SLC49A4: variants seen among roughly 807,000 people sequenced by gnomAD.
SLC49A4 encodes disrupted in renal cancer protein 2.
In SLC49A4, 36 loss-of-function variants were observed where a neutral mutation model predicts 50.6. The observed-to-expected ratio is 0.71, with a 90% CI of 0.55 to 0.94. The LOEUF is 0.94. Ranked by LOEUF, SLC49A4 falls within the 40% of genes least tolerant of loss-of-function variation. The pLI, the probability that SLC49A4 is intolerant of heterozygous loss-of-function variation, is 0.00. For synonymous variants in SLC49A4, 248 were observed against 241.2 expected, an observed-to-expected ratio of 1.03 and a Z score of -0.26; for missense variants, 503 against 605.7, an observed-to-expected ratio of 0.83 and a Z score of 1.78.
At chr3:122,855,133 C>T (rs567404008) in intron 5 of SLC49A4, among the ~76,000 whole-genome samples, 1 of 151,848 alleles carries the variant, frequency 6.6e-6, no homozygotes, top group South Asian at 2.1e-4. Context: ...AAATATGACT[C>T]GAAAAACAAC....
chr3:122,861,220 T>G (rs1330642511), intron 7 of SLC49A4, among the ~76,000 whole-genome samples: 1 of 152,202 alleles, frequency 6.6e-6, no homozygotes, highest in Admixed American at 6.5e-5. Flanking sequence ...CCCTTTGTCT[T>G]GTGAAATAAC....
At chr3:122,830,637 C>T (rs934395661) in intron 3 of SLC49A4, among the ~76,000 whole-genome samples, 4 of 152,142 alleles carry the variant, frequency 2.6e-5, no homozygotes, top group African/African-American at 7.2e-5. Context: ...ATTTGAACCC[C>T]GTTGTTAACT....
intron 2 of SLC49A4, among the ~76,000 whole-genome samples, chr3:122,816,665 G>C (rs756101773): frequency 3.3e-5 from 5 of 152,180 alleles, no homozygotes; most frequent in Non-Finnish European, 5.9e-5. Flanking sequence ...AGGTGGGCCA[G>C]GGCAGGTAGC....
chr3:122,869,865 C>G (rs1172007134), intron 7 of SLC49A4, among the ~76,000 whole-genome samples: 1 of 152,164 alleles, frequency 6.6e-6, no homozygotes, highest in Non-Finnish European at 1.5e-5. Context: ...CCCGCTGCTT[C>G]CCCGTCAGAT....
chr3:122,820,941 C>CTGTA (rs1936440025), intron 2 of SLC49A4, among the ~76,000 whole-genome samples: 2 of 152,224 alleles, frequency 1.3e-5, no homozygotes, highest in African/African-American at 2.4e-5. Flanking sequence ...TCATCTTGAA[C>CTGTA]TGTAGTTCCC....
intron 5 of SLC49A4, among the ~76,000 whole-genome samples, chr3:122,853,960 T>C (rs1560229322): frequency 6.6e-6 from 1 of 152,192 alleles, no homozygotes; most frequent in South Asian, 2.1e-4. Context: ...GGTAGAATTG[T>C]ATTAACTAGG....
Position 122,806,387 on chromosome 3 carries a change from C to G in SLC49A4, c.344-470C>G, listed in dbSNP as rs892146117. Among the ~76,000 whole-genome samples, 9 of 151,662 alleles carry G rather than the reference C, an allele frequency of 5.9e-5. No individual in the cohort carries two copies. The South Asian group carries it at 1.9e-3, about 31-fold the overall frequency. ...TTAGAATCATCTTATTTTCTTTTTT[C>G]TTTTTTTGGAAACAGAGTCTCACTC... On this transcript the variant is annotated intron_variant, in intron 1 of 8. Transcript: ENST00000261038.
At chr3:122,837,054 AC>A (rs1290517641) in intron 4 of SLC49A4, among the ~76,000 whole-genome samples, 2 of 152,224 alleles carry the variant, frequency 1.3e-5, no homozygotes, top group Non-Finnish European at 2.9e-5. Context: ...GCTCAATGAA[AC>A]AAAAGAGGAT....
At chr3:122,816,610 T>G (rs1385064978) in intron 2 of SLC49A4, among the ~76,000 whole-genome samples, 1 of 152,186 alleles carries the variant, frequency 6.6e-6, no homozygotes. Context: ...ATAGAGTGGT[T>G]CAAACAAGAC....
intron 6 of SLC49A4, among the ~76,000 whole-genome samples, chr3:122,857,271 G>GTCCC (rs1255529494): frequency 9.2e-6 from 1 of 108,944 alleles, no homozygotes; most frequent in Admixed American, 1.2e-4. Context: ...TAGGAAAAAG[G>GTCCC]TCCCATTCGT....
rs140022464 is a variant in SLC49A4, at chr3:122,806,864, G to T, written c.351G>T (p.Arg117=). ...FMWLLDKRGL[R]ITVLLTSFLM... Reference sequence around the variant, plus strand: ...GTCTTTGTTTCATTTTAGGTCTCCGGATAACTGTGCTCCTGACATCCTTCC... The same window carrying T: ...GTCTTTGTTTCATTTTAGGTCTCCGTATAACTGTGCTCCTGACATCCTTCC... Residue 117 remains arginine (R), a synonymous_variant, in exon 2 of 9, where the codon CGG becomes CGT. Coordinates refer to ENST00000261038, the MANE Select transcript of SLC49A4 (RefSeq NM_032839.3). 2.5e-5 allele frequency: 40 copies of T among 1,602,276 alleles called. No individual in the cohort carries two copies. In the African/African-American group the frequency reaches 5.0e-4, roughly 20 times the overall value.
intron 3 of SLC49A4, among the ~76,000 whole-genome samples, chr3:122,827,292 G>T (rs1936544060): frequency 6.6e-6 from 1 of 152,164 alleles, no homozygotes; most frequent in African/African-American, 2.4e-5. Flanking sequence ...ACATGGAGGG[G>T]TATTTCTTAA....
intron 8 of SLC49A4, among the ~76,000 whole-genome samples, chr3:122,874,235 A>G (rs1206595354): frequency 6.6e-6 from 1 of 152,198 alleles, no homozygotes; most frequent in African/African-American, 2.4e-5. Flanking sequence ...TTGCCTGGCC[A>G]GTAGTTTATC....
chr3:122,868,316 T>G (rs1937148473), intron 7 of SLC49A4, among the ~76,000 whole-genome samples: 1 of 152,216 alleles, frequency 6.6e-6, no homozygotes, highest in Non-Finnish European at 1.5e-5. Context: ...CCATGAAATT[T>G]TATTAGCTTT....
intron 4 of SLC49A4, among the ~76,000 whole-genome samples, chr3:122,842,469 G>A (rs1472727635): frequency 9.2e-6 from 1 of 108,120 alleles, no homozygotes; most frequent in Non-Finnish European, 1.7e-5. Context: ...CTGGGCGACA[G>A]AGCGAGACTC....
At chr3:122,868,948 A>AATTTGTTAGAAC (rs1937157446) in intron 7 of SLC49A4, among the ~76,000 whole-genome samples, 1 of 152,186 alleles carries the variant, frequency 6.6e-6, no homozygotes, top group African/African-American at 2.4e-5. Context: ...AACAAATGGG[A>AATTTGTTAGAAC]AAATCTTCAT....
intron 1 of SLC49A4, among the ~76,000 whole-genome samples, chr3:122,800,286 A>G (rs1363212370): frequency 6.6e-6 from 1 of 152,226 alleles, no homozygotes; most frequent in Non-Finnish European, 1.5e-5. Context: ...AGGACTGAGA[A>G]TAGAGCACTG....
At chr3:122,871,953 A>G (rs1328535847) in intron 7 of SLC49A4, among the ~76,000 whole-genome samples, 2 of 152,168 alleles carry the variant, frequency 1.3e-5, no homozygotes, top group African/African-American at 2.4e-5. Flanking sequence ...TTCTCAAGAA[A>G]TTACATACTG....
At chr3:122,850,795 T>C (rs1373221938) in intron 5 of SLC49A4, among the ~76,000 whole-genome samples, 1 of 152,208 alleles carries the variant, frequency 6.6e-6, no homozygotes, top group Non-Finnish European at 1.5e-5. Context: ...GCCATCTTTG[T>C]GTTTTAATTG....
Sources: gnomAD v4.1 joint callset for allele counts (sites outside exome capture counted in the v4.1 genomes callset) on GRCh38, gnomAD v4.1.1 for gene constraint, MANE v1.5 for transcripts, NCBI Gene and HGNC (gene_info 2026-07-23, HGNC 2026-07-21) for gene names.